The following DAW1 variants were observed in gnomAD, a reference collection of about 807,000 sequenced individuals.
The protein encoded by DAW1 is dynein assembly factor with WD repeats 1.
A neutral mutation model predicts 56.5 loss-of-function variants in DAW1; 47 were observed. The ratio of observed to expected loss-of-function variants is 0.83; its 90% CI spans 0.66 to 1.06. DAW1 has a LOEUF of 1.06. Among genes scored for constraint, DAW1 ranks in the 50% least tolerant of loss-of-function variants. The pLI, the probability that DAW1 is intolerant of heterozygous loss-of-function variation, is 0.00. For missense variants in DAW1, 505 were observed against 499.3 expected (o/e 1.01, Z -0.11); for synonymous variants, 190 against 179.0 (o/e 1.06, Z -0.49).
chr2:227,919,504 A>G (rs574841256), intron 11 of DAW1, among the ~76,000 whole-genome samples: 31 of 152,324 alleles, frequency 2.0e-4, no homozygotes, highest in South Asian at 8.3e-4. Flanking sequence ...ACATAAGTTT[A>G]TGTTGTGCGA....
intron 9 of DAW1, 35 bp from the exon 10 acceptor site, chr2:227,907,103 C>CTTT: frequency 5.2e-6 from 6 of 1,143,044 alleles, no homozygotes; most frequent in African/African-American, 3.2e-5. Flanking sequence ...AAGTCATAGT[C>CTTT]TTTTTTTTTT....
intron 8 of DAW1, among the ~76,000 whole-genome samples, chr2:227,905,704 A>G (rs911599362): frequency 6.6e-6 from 1 of 152,200 alleles, no homozygotes; most frequent in African/African-American, 2.4e-5. Context: ...AAGTAGCATT[A>G]TTTTGATAGT....
intron 10 of DAW1, among the ~76,000 whole-genome samples, chr2:227,916,308 A>C (rs1405961552): frequency 6.6e-6 from 1 of 152,188 alleles, no homozygotes; most frequent in Non-Finnish European, 1.5e-5. Context: ...CACTGATGAC[A>C]GTATTTGATG....
chr2:227,907,838 G>A (rs749493362), intron 10 of DAW1, among the ~76,000 whole-genome samples: 8 of 152,180 alleles, frequency 5.3e-5, no homozygotes, highest in Non-Finnish European at 7.3e-5. Flanking sequence ...GTGAGCCACC[G>A]TGCCCAGCTT....
intron 8 of DAW1, among the ~76,000 whole-genome samples, chr2:227,905,613 C>T (rs978943563): frequency 6.6e-6 from 1 of 152,198 alleles, no homozygotes. Flanking sequence ...TCTGAACAAC[C>T]AGGGGTGCAC....
chr2:227,918,977 T>C (rs1455571432), intron 11 of DAW1, 121 bp downstream of exon 11: 3 of 1,037,030 alleles, frequency 2.9e-6, no homozygotes, highest in African/African-American at 3.2e-5. Flanking sequence ...AGAAGATTGC[T>C]TGAGGCCAGG....
In DAW1 at chr2:227,905,022, G is replaced by A. The variant is rs1691646263; in HGVS notation, c.742G>A (p.Ala248Thr). Residue 248 changes from alanine to threonine, a missense_variant, in exon 8 of 13, where the codon GCT becomes ACT. Transcript: ENST00000309931. ...SFDHTVVVWD[A>T]DTGRKVNILI... The stretch of plus-strand genomic sequence containing the variant: ...TGATCATACCGTTGTAGTGTGGGAC[G>A]CTGATACTGGAAGGTAATTCTTAGT... 3.7e-6 allele frequency: 6 copies of A among 1,612,152 alleles called. No individual in the cohort carries two copies. Among genetic ancestry groups the A allele is most frequent in the African/African-American group, 1.3e-5 (1 of 74,846 alleles).
chr2:227,898,850 T>G (rs77560427), intron 6 of DAW1, among the ~76,000 whole-genome samples: 10,412 of 152,262 alleles, frequency 0.068, 371 homozygotes, highest in Middle Eastern at 0.11. Flanking sequence ...TTTATAAATA[T>G]AATAACCAAT....
At chr2:227,898,466 G>A (rs904730368) in intron 6 of DAW1, among the ~76,000 whole-genome samples, 185 bp downstream of exon 6, 1 of 151,736 alleles carries the variant, frequency 6.6e-6, no homozygotes, top group Admixed American at 6.6e-5. Flanking sequence ...GACTACGGGC[G>A]CCCGCCACCA....
chr2:227,886,572 G>A (rs996272571), intron 2 of DAW1, among the ~76,000 whole-genome samples: 4 of 152,094 alleles, frequency 2.6e-5, no homozygotes, highest in African/African-American at 7.2e-5. Flanking sequence ...AGCTGAGATC[G>A]CGGTGCTGTA....
At chr2:227,912,592 T>A in intron 10 of DAW1, 1 of 1,173,178 alleles carries the variant, frequency 8.5e-7, no homozygotes. Context: ...GTCATCTCAG[T>A]GATGACCGCC....
intron 1 of DAW1, among the ~76,000 whole-genome samples, chr2:227,882,608 C>T (rs1331551820): frequency 6.6e-6 from 1 of 152,214 alleles, no homozygotes; most frequent in Non-Finnish European, 1.5e-5. Context: ...ACAGTGAAGT[C>T]TGATAGTTGT....
chr2:227,911,832 CAT>C (rs1559312806), intron 10 of DAW1, among the ~76,000 whole-genome samples: 2 of 152,144 alleles, frequency 1.3e-5, no homozygotes, highest in African/African-American at 4.8e-5. Flanking sequence ...CTGATATCCA[CAT>C]GTGATGCTAT....
chr2:227,893,726 GTA>G, intron 4 of DAW1, 67 bp from the exon 5 acceptor site: 1 of 1,546,566 alleles, frequency 6.5e-7, no homozygotes, highest in Non-Finnish European at 8.7e-7. Flanking sequence ...TATCCTACAG[GTA>G]AAACATGAAG....
At chr2:227,907,784 A>G (rs1574665330) in intron 10 of DAW1, among the ~76,000 whole-genome samples, 2 of 152,060 alleles carry the variant, frequency 1.3e-5, no homozygotes, top group African/African-American at 4.8e-5. Flanking sequence ...CTGACCTCAG[A>G]TGATCCACCT....
chr2:227,890,127 CAT>C (rs777932692), intron 3 of DAW1, 127 bp downstream of exon 3: 121 of 899,628 alleles, frequency 1.3e-4, no homozygotes, highest in Non-Finnish European at 1.7e-4. Flanking sequence ...TAGTGCCTCA[CAT>C]ATGTTTGCTA....
chr2:227,905,061 T>G, intron 8 of DAW1, 26 bp downstream of exon 8: 1 of 1,596,264 alleles, frequency 6.3e-7, no homozygotes, highest in Non-Finnish European at 8.6e-7. Flanking sequence ...TAAGAATTGT[T>G]TTAACCTGGA....
chr2:227,906,348 A>T lies in DAW1; in HGVS notation c.858+10A>T. 6.3e-7 allele frequency: 1 copy of T among 1,583,084 alleles called. No individual in the cohort carries two copies. Among genetic ancestry groups the T allele is most frequent in the Non-Finnish European group, 8.7e-7 (1 of 1,155,212 alleles). On this transcript the variant is annotated intron_variant, in intron 9 of 12. Coordinates refer to ENST00000309931, the MANE Select transcript of DAW1 (RefSeq NM_178821.3). ...GGACAAAACCTGCAAGGTGAGCAAA[A>T]TAAATAAATATCTTTGCTTTATATT...
At chr2:227,916,900 A>G (rs763110576) in intron 10 of DAW1, among the ~76,000 whole-genome samples, 4 of 152,152 alleles carry the variant, frequency 2.6e-5, no homozygotes, top group Non-Finnish European at 5.9e-5. Flanking sequence ...CTTATTGATG[A>G]TCATGTATGA....
Sources: gnomAD v4.1 joint callset for allele counts (sites outside exome capture counted in the v4.1 genomes callset) on GRCh38, gnomAD v4.1.1 for gene constraint, MANE v1.5 for transcripts, NCBI Gene and HGNC (gene_info 2026-07-23, HGNC 2026-07-21) for gene names.